Variants in ABCB1 observed in about 807,000 individuals in gnomAD.
The protein encoded by ABCB1 is ATP-dependent translocase ABCB1.
In ABCB1, 69 loss-of-function variants were observed where a neutral mutation model predicts 142.0. The observed-to-expected ratio is 0.49, with a 90% CI of 0.40 to 0.59. The LOEUF (loss-of-function observed/expected upper bound fraction) is 0.59. ABCB1 is among the 20% of genes least tolerant of loss of function. The pLI, the probability that ABCB1 is intolerant of heterozygous loss-of-function variation, is 0.00. For missense variants in ABCB1, 1,326 were observed against 1,554.7 expected, an observed-to-expected ratio of 0.85 and a Z score of 2.47; for synonymous variants, 532 against 539.2, an observed-to-expected ratio of 0.99 and a Z score of 0.18.
At chr7:87,524,833 T>G (rs1815715646) in intron 21 of ABCB1, among the ~76,000 whole-genome samples, 1 of 152,156 alleles carries the variant, frequency 6.6e-6, no homozygotes, top group East Asian at 1.9e-4. Flanking sequence ...TTTTCTAGAT[T>G]AGTAAGAAAA....
chr7:87,678,879 A>G (rs1391230774), intron 1 of ABCB1, among the ~76,000 whole-genome samples: 2 of 152,150 alleles, frequency 1.3e-5, no homozygotes, highest in Non-Finnish European at 2.9e-5. Context: ...AAGAAGACAG[A>G]ACAAAACCAA....
At chr7:87,515,861 T>C (rs997967004) in intron 24 of ABCB1, among the ~76,000 whole-genome samples, 2 of 152,090 alleles carry the variant, frequency 1.3e-5, no homozygotes, top group African/African-American at 4.8e-5. Flanking sequence ...CCTCCCAAAG[T>C]GCTGGGATTA....
intron 1 of ABCB1, chr7:87,659,318 G>C (rs1237179737): frequency 3.2e-6 from 1 of 308,774 alleles, no homozygotes; most frequent in East Asian, 1.1e-4. Flanking sequence ...TGTCTTCTAG[G>C]GGGCTGTTTG....
At chr7:87,698,276 A>C (rs1828680632) in intron 1 of ABCB1, among the ~76,000 whole-genome samples, 1 of 151,884 alleles carries the variant, frequency 6.6e-6, no homozygotes, top group African/African-American at 2.4e-5. Flanking sequence ...ATTTCTTTGC[A>C]CTTTTAGTAG....
At chr7:87,610,612 A>C (rs1400594960) in intron 1 of ABCB1, among the ~76,000 whole-genome samples, 2 of 151,982 alleles carry the variant, frequency 1.3e-5, no homozygotes, top group Non-Finnish European at 2.9e-5. Context: ...GGCTGGGTTT[A>C]TCCTTGTTAC....
intron 1 of ABCB1, among the ~76,000 whole-genome samples, chr7:87,627,152 T>C (rs911477426): frequency 6.6e-6 from 1 of 152,170 alleles, no homozygotes; most frequent in African/African-American, 2.4e-5. Flanking sequence ...TTTTGACTAT[T>C]TTAAATAGAG....
At chr7:87,591,205 C>A (rs1266775007) in intron 3 of ABCB1, among the ~76,000 whole-genome samples, 1 of 152,038 alleles carries the variant, frequency 6.6e-6, no homozygotes, top group Non-Finnish European at 1.5e-5. Context: ...TCTAGAAATG[C>A]AAGTGTCCTC....
In ABCB1 at chr7:87,656,611, G is replaced by T. The variant is rs191869833; in HGVS notation, c.-330-55533C>A. 1.6e-4 allele frequency among the ~76,000 whole-genome samples: 25 copies of T among 152,134 alleles called. No individual in the cohort carries two copies. In the East Asian group the frequency reaches 4.8e-3, roughly 29 times the overall value. On this transcript the variant is annotated intron_variant, in intron 1 of 28. Transcript: ENST00000265724. ...AGGAAAATAGAATAAAGAAGAGAAA[G>T]ACGTTAGAGGATACTCATTTTCCAA...
intron 1 of ABCB1, among the ~76,000 whole-genome samples, chr7:87,640,219 C>T (rs1299190344): frequency 6.7e-6 from 1 of 149,762 alleles, no homozygotes; most frequent in Non-Finnish European, 1.5e-5. Flanking sequence ...TTAAATCTTA[C>T]ATTATTTTAT....
intron 4 of ABCB1, among the ~76,000 whole-genome samples, chr7:87,571,517 C>G (rs1468214152): frequency 1.3e-5 from 2 of 150,976 alleles, no homozygotes; most frequent in African/African-American, 4.9e-5. Flanking sequence ...AAAGCAAATA[C>G]TTATGAGACT....
upstream of ABCB1, among the ~76,000 whole-genome samples, chr7:87,603,645 G>T (rs1009453275): frequency 3.3e-5 from 5 of 152,178 alleles, no homozygotes; most frequent in African/African-American, 1.2e-4. Flanking sequence ...CTTCTCAGAT[G>T]ATATGTGCTT....
Position 87,503,657 on chromosome 7 carries a change from A to G in ABCB1, c.*586T>C, listed in dbSNP as rs1253067388. On this transcript the variant is annotated 3_prime_UTR_variant, in exon 28 of 28. Coordinates refer to ENST00000622132, the MANE Select transcript of ABCB1 (RefSeq NM_001348946.2). ...ATGTGGAAATGCAAGAATCAGCAGGATCAAGTCCAAGAAGAATGAAGCCAG... is the reference window on the plus strand; with the variant it reads ...ATGTGGAAATGCAAGAATCAGCAGGGTCAAGTCCAAGAAGAATGAAGCCAG... 2 of 158,226 alleles carry G rather than the reference A, an allele frequency of 1.3e-5. No homozygotes were observed. Among genetic ancestry groups the G allele is most frequent in the African/African-American group, 2.4e-5 (1 of 41,482 alleles). The allele number at this position is 158,226 out of a possible 1,614,324, so 9.8% of individuals were successfully genotyped here.
At chr7:87,643,473 A>G (rs1822656190) in intron 1 of ABCB1, among the ~76,000 whole-genome samples, 1 of 152,178 alleles carries the variant, frequency 6.6e-6, no homozygotes, top group African/African-American at 2.4e-5. Context: ...GATTAAAATT[A>G]TATTAGAAAA....
chr7:87,542,682 A>G (rs1407554298), intron 17 of ABCB1, among the ~76,000 whole-genome samples: 1 of 150,330 alleles, frequency 6.7e-6, no homozygotes. Context: ...CTCTGATGAC[A>G]CCACAGTCTA....
At chr7:87,661,910 A>G (rs538568854) in intron 1 of ABCB1, among the ~76,000 whole-genome samples, 1 of 152,164 alleles carries the variant, frequency 6.6e-6, no homozygotes, top group East Asian at 1.9e-4. Flanking sequence ...CCTCACCAGT[A>G]TTCATTATTG....
intron 25 of ABCB1, among the ~76,000 whole-genome samples, chr7:87,511,136 C>A (rs1237923705): frequency 6.6e-6 from 1 of 152,060 alleles, no homozygotes; most frequent in Non-Finnish European, 1.5e-5. Context: ...CGCATAATAC[C>A]CTAGAATTGC....
chr7:87,567,026 T>G, intron 5 of ABCB1, 50 bp from the exon 6 acceptor site: 2 of 1,561,082 alleles, frequency 1.3e-6, no homozygotes, highest in Non-Finnish European at 1.8e-6. Context: ...CTAATCAATG[T>G]ACCTTTTCCA....
chr7:87,643,699 TG>T (rs1822682819), intron 1 of ABCB1, among the ~76,000 whole-genome samples: 2 of 151,038 alleles, frequency 1.3e-5, no homozygotes, highest in African/African-American at 4.9e-5. Context: ...TTTTTTTTTT[TG>T]TATTTTAGTA....
In ABCB1 at chr7:87,561,287, C is replaced by A; in HGVS notation, c.803G>T (p.Gly268Val). 1 of 1,613,934 alleles carries A rather than the reference C, an allele frequency of 6.2e-7. No homozygotes were observed. The highest frequency in any genetic ancestry group is 2.2e-5 in the East Asian group (1 of 44,834). Reference protein sequence around the residue: ...LAAIRTVIAFGGQKKELERYN... With the variant: ...LAAIRTVIAFVGQKKELERYN... ...CCTTTCAAGTTCTTTCTTTTGTCCT[C>A]CAAATGCAATCACAGTTCTAATTGC... The change falls in exon 8 of 28, where the codon GGA (glycine) becomes GTA (valine). Residue 268 changes from glycine to valine, a missense_variant. By Grantham distance (109) the Gly-to-Val change is moderately radical. Coordinates refer to ENST00000622132, the MANE Select transcript of ABCB1 (RefSeq NM_001348946.2).
Sources: gnomAD v4.1 joint callset for allele counts (sites outside exome capture counted in the v4.1 genomes callset) on GRCh38, gnomAD v4.1.1 for gene constraint, MANE v1.5 for transcripts, NCBI Gene and HGNC (gene_info 2026-07-23, HGNC 2026-07-21) for gene names.